The following RANBP2 variants were observed in gnomAD, a reference collection of about 807,000 sequenced individuals.
RANBP2 encodes E3 SUMO-protein ligase RanBP2.
Under a neutral mutation model 303.6 loss-of-function variants are expected in RANBP2, and 57 were observed. That is an observed-to-expected ratio of 0.19 (90% CI 0.15 to 0.23). RANBP2 has a LOEUF of 0.23. Among genes scored for constraint, RANBP2 ranks in the 10% least tolerant of loss-of-function variants. RANBP2 has a pLI of 1.00. For synonymous variants in RANBP2, 1,167 were observed against 1,301.5 expected (o/e 0.90, Z 2.23); for missense variants, 3,138 against 3,780.8 (o/e 0.83, Z 4.46).
At chr2:109,732,726 T>C in the RANBP2 span, 7 of 648,388 alleles carry the variant, frequency 1.1e-5, no homozygotes, top group Non-Finnish European at 1.8e-5. Flanking sequence ...CCTTGGTTTA[T>C]GTAGGTTTAT....
At chr2:109,519,834 T>TTA in the RANBP2 span, among the ~76,000 whole-genome samples, 1 of 152,030 alleles carries the variant, frequency 6.6e-6, no homozygotes, top group Non-Finnish European at 1.5e-5. Context: ...AATTACGAAA[T>TTA]GATAGAGATG....
At chr2:109,401,872 A>T in the RANBP2 span, among the ~76,000 whole-genome samples, 6 of 152,182 alleles carry the variant, frequency 3.9e-5, no homozygotes, top group African/African-American at 1.4e-4. Flanking sequence ...ATTAATTTGC[A>T]TACTACCTGG....
At chr2:108,741,647 A>T (rs1186302615) in intron 7 of RANBP2, among the ~76,000 whole-genome samples, 1 of 150,794 alleles carries the variant, frequency 6.6e-6, no homozygotes, top group African/African-American at 2.4e-5. Flanking sequence ...CTGGGACTAC[A>T]GGCACCTGCC....
the RANBP2 span, among the ~76,000 whole-genome samples, chr2:109,191,166 A>G: frequency 3.3e-5 from 5 of 152,166 alleles, no homozygotes; most frequent in East Asian, 3.8e-4. Context: ...CCAACGTGCT[A>G]TCAACCGGGT....
At chr2:109,021,098 C>G in the RANBP2 span, among the ~76,000 whole-genome samples, 3 of 152,186 alleles carry the variant, frequency 2.0e-5, no homozygotes, top group African/African-American at 7.2e-5. Flanking sequence ...GGGAATGCTT[C>G]TTGGGCTGGA....
the RANBP2 span, among the ~76,000 whole-genome samples, chr2:109,419,898 A>G: frequency 6.6e-6 from 1 of 152,222 alleles, no homozygotes; most frequent in Non-Finnish European, 1.5e-5. Context: ...TGCAGTTCCC[A>G]GTCAACAGGA....
the RANBP2 span, among the ~76,000 whole-genome samples, chr2:109,610,891 C>T: frequency 1.3e-5 from 2 of 152,082 alleles, no homozygotes; most frequent in Admixed American, 6.5e-5. Context: ...CACAGAGAGG[C>T]ACAGAACTAG....
the RANBP2 span, among the ~76,000 whole-genome samples, chr2:109,657,430 G>T: frequency 6.6e-6 from 1 of 152,024 alleles, no homozygotes; most frequent in African/African-American, 2.4e-5. Context: ...CCTGGGCAAC[G>T]GAGTGAGACC....
the RANBP2 span, among the ~76,000 whole-genome samples, chr2:108,914,318 A>G: frequency 6.6e-6 from 1 of 152,162 alleles, no homozygotes; most frequent in Non-Finnish European, 1.5e-5. Flanking sequence ...TAAGAACACA[A>G]GAAAGGAGGA....
chr2:109,216,607 G>A, the RANBP2 span, among the ~76,000 whole-genome samples: 1 of 152,206 alleles, frequency 6.6e-6, no homozygotes, highest in South Asian at 2.1e-4. Flanking sequence ...AAGGTGAGAT[G>A]GCCAGCCATG....
the RANBP2 span, among the ~76,000 whole-genome samples, chr2:109,652,685 T>C: frequency 2.0e-5 from 3 of 152,106 alleles, no homozygotes; most frequent in Admixed American, 2.0e-4. Flanking sequence ...TTGAGTTACC[T>C]ACCCATCCAG....
the RANBP2 span, among the ~76,000 whole-genome samples, chr2:109,029,263 C>T: frequency 6.6e-6 from 1 of 152,210 alleles, no homozygotes; most frequent in Non-Finnish European, 1.5e-5. Context: ...CCATCCCAGC[C>T]CCCATTCACC....
At chr2:109,553,212 C>T in the RANBP2 span, 1 of 1,613,584 alleles carries the variant, frequency 6.2e-7, no homozygotes, top group Non-Finnish European at 8.5e-7. Flanking sequence ...TCATAGGTCT[C>T]TTGAACACTA....
At chr2:109,262,836 C>A in the RANBP2 span, among the ~76,000 whole-genome samples, 1 of 151,734 alleles carries the variant, frequency 6.6e-6, no homozygotes, top group South Asian at 2.1e-4. Flanking sequence ...TTTCTTTTTT[C>A]TTTTTTATTT....
At chr2:109,556,914 G>C in the RANBP2 span, among the ~76,000 whole-genome samples, 2 of 151,978 alleles carry the variant, frequency 1.3e-5, no homozygotes, top group African/African-American at 2.4e-5. Flanking sequence ...GCAAACTATC[G>C]CAAGGACAAA....
At chr2:109,074,802 C>A in the RANBP2 span, among the ~76,000 whole-genome samples, 1 of 148,962 alleles carries the variant, frequency 6.7e-6, no homozygotes, top group Admixed American at 6.7e-5. Context: ...TCAGGAGGAT[C>A]ACGAGGTCAG....
At chr2:109,226,621 T>C in the RANBP2 span, among the ~76,000 whole-genome samples, 13 of 152,206 alleles carry the variant, frequency 8.5e-5, no homozygotes, top group African/African-American at 3.1e-4. Context: ...CGCTCCCCTT[T>C]CCTGAGTGTT....
chr2:108,961,914 C>T, the RANBP2 span, among the ~76,000 whole-genome samples: 3 of 152,172 alleles, frequency 2.0e-5, no homozygotes, highest in African/African-American at 7.2e-5. Context: ...TCTCATTTTT[C>T]CAAGTTAATA....
the RANBP2 span, among the ~76,000 whole-genome samples, chr2:109,330,229 T>A: frequency 2.0e-5 from 3 of 152,194 alleles, no homozygotes; most frequent in Non-Finnish European, 2.9e-5. Context: ...TCTCCCCAAC[T>A]CTGTGGGTTG....
Sources: gnomAD v4.1 joint callset for allele counts (sites outside exome capture counted in the v4.1 genomes callset) on GRCh38, gnomAD v4.1.1 for gene constraint, MANE v1.5 for transcripts, NCBI Gene and HGNC (gene_info 2026-07-23, HGNC 2026-07-21) for gene names.